DLG2: variants seen among roughly 807,000 people sequenced by gnomAD.
DLG2 encodes discs large MAGUK scaffold protein 2, also known as disks large homolog 2.
In DLG2, 45 loss-of-function variants were observed where a neutral mutation model predicts 132.5. That is an observed-to-expected ratio of 0.34 (90% CI 0.27 to 0.44). The LOEUF (loss-of-function observed/expected upper bound fraction) is 0.44, where lower values mean the gene tolerates loss of function less well. DLG2 is among the 20% of genes least tolerant of loss of function. The pLI is 1.00. For missense variants in DLG2, 1,045 were observed against 1,196.9 expected (o/e 0.87, Z 1.87); for synonymous variants, 424 against 419.6 (o/e 1.01, Z -0.13).
At chr11:84,679,804 T>C (rs547323621) in intron 6 of DLG2, among the ~76,000 whole-genome samples, 1 of 152,216 alleles carries the variant, frequency 6.6e-6, no homozygotes, top group East Asian at 1.9e-4. Flanking sequence ...AGAACCAGGA[T>C]TGGAATTCAG....
At chr11:85,513,048 G>A (rs1397636363) in intron 3 of DLG2, among the ~76,000 whole-genome samples, 1 of 151,944 alleles carries the variant, frequency 6.6e-6, no homozygotes, top group Admixed American at 6.6e-5. Flanking sequence ...GCACCAACGT[G>A]GATGCAGCTG....
Position 83,697,084 on chromosome 11 carries a change from G to A in DLG2, c.1826-63759C>T, listed in dbSNP as rs1445665334. On this transcript the variant is annotated intron_variant, in intron 18 of 27. Transcript: ENST00000376104. ...GTTCAACGTAAGAATAACAAGACAT[G>A]CTCTTTGCCCTCAAAGAAATGAGTC... 3.9e-5 allele frequency among the ~76,000 whole-genome samples: 6 copies of A among 152,142 alleles called. 1 individual carries two copies. The South Asian group carries it at 1.0e-3, about 26-fold the overall frequency.
At chr11:85,396,073 G>T (rs922020228) in intron 3 of DLG2, among the ~76,000 whole-genome samples, 1 of 152,134 alleles carries the variant, frequency 6.6e-6, no homozygotes, top group Non-Finnish European at 1.5e-5. Flanking sequence ...CCAGAAGAAG[G>T]ATGAGGCAGC....
intron 5 of DLG2, among the ~76,000 whole-genome samples, chr11:85,129,088 C>G (rs2075434697): frequency 6.6e-6 from 1 of 152,160 alleles, no homozygotes; most frequent in African/African-American, 2.4e-5. Context: ...CAGTATCCTG[C>G]TATTCACACT....
chr11:84,789,059 T>C (rs1337733197), intron 6 of DLG2, among the ~76,000 whole-genome samples: 2 of 152,178 alleles, frequency 1.3e-5, no homozygotes, highest in African/African-American at 2.4e-5. Flanking sequence ...AAGAGAGACA[T>C]GCAAAAGAAA....
chr11:83,689,941 T>C (rs920936504), intron 18 of DLG2, among the ~76,000 whole-genome samples: 6 of 141,340 alleles, frequency 4.2e-5, no homozygotes, highest in African/African-American at 1.6e-4. Context: ...ATATATAATA[T>C]ATATTATATA....
chr11:85,112,270 A>G (rs1274621001), intron 5 of DLG2, among the ~76,000 whole-genome samples: 2 of 152,034 alleles, frequency 1.3e-5, no homozygotes, highest in Non-Finnish European at 2.9e-5. Flanking sequence ...AAATAAAACA[A>G]TTTTCTCAAG....
In DLG2 at chr11:84,310,566, C is replaced by A. The variant is rs138164537; in HGVS notation, c.520-59275G>T. 6.4e-3 allele frequency among the ~76,000 whole-genome samples: 978 copies of A among 152,320 alleles called. 12 individuals are homozygous for A. The highest frequency in any genetic ancestry group is 0.023 in the African/African-American group (935 of 41,548). On this transcript the variant is annotated intron_variant, in intron 7 of 27. Coordinates refer to ENST00000376104, the MANE Select transcript of DLG2 (RefSeq NM_001142699.3). The stretch of plus-strand genomic sequence containing the variant: ...ATGTCAGCATCCAGCAATAAGAGTG[C>A]TAGGAGTGTTGACCAAACGGCTTCA...
At chr11:84,830,847 A>C (rs2078945507) in intron 6 of DLG2, among the ~76,000 whole-genome samples, 1 of 151,438 alleles carries the variant, frequency 6.6e-6, no homozygotes, top group South Asian at 2.1e-4. Flanking sequence ...CTCACTTTAA[A>C]AATTACCTCT....
At chr11:84,865,711 C>A (rs374931369) in intron 6 of DLG2, among the ~76,000 whole-genome samples, 3 of 152,186 alleles carry the variant, frequency 2.0e-5, no homozygotes, top group African/African-American at 4.8e-5. Context: ...AGAACAAAGC[C>A]CCGAAAACAA....
chr11:83,790,411 G>A, intron 17 of DLG2: 1 of 1,025,168 alleles, frequency 9.8e-7, no homozygotes, highest in African/African-American at 1.6e-5. Context: ...CCCAACATGT[G>A]ATTGGTCCCC....
chr11:84,322,440 T>C (rs1353145660), intron 7 of DLG2, among the ~76,000 whole-genome samples: 1 of 152,208 alleles, frequency 6.6e-6, no homozygotes, highest in African/African-American at 2.4e-5. Flanking sequence ...TCAAGCTTTT[T>C]CAAGAGTTCT....
chr11:83,748,269 T>C (rs2093057595), intron 18 of DLG2, among the ~76,000 whole-genome samples: 1 of 152,216 alleles, frequency 6.6e-6, no homozygotes, highest in Non-Finnish European at 1.5e-5. Flanking sequence ...GTTCTAACTA[T>C]CAACCACACC....
At chr11:85,039,622 T>C (rs1263978026) in intron 6 of DLG2, among the ~76,000 whole-genome samples, 2 of 151,904 alleles carry the variant, frequency 1.3e-5, no homozygotes, top group African/African-American at 4.8e-5. Context: ...AACAGTACTA[T>C]ATTAATGTTA....
At chr11:84,816,106 G>C (rs1444627860) in intron 6 of DLG2, among the ~76,000 whole-genome samples, 1 of 151,916 alleles carries the variant, frequency 6.6e-6, no homozygotes, top group East Asian at 1.9e-4. Flanking sequence ...TGGCACCAGG[G>C]GGTTGCTGGC....
chr11:83,781,088 G>A (rs1002683814), intron 18 of DLG2, among the ~76,000 whole-genome samples: 1 of 152,176 alleles, frequency 6.6e-6, no homozygotes, highest in Non-Finnish European at 1.5e-5. Flanking sequence ...TTGGTCTGTA[G>A]ACAACATTTA....
At chr11:83,586,309 T>C (rs529576861) in intron 19 of DLG2, among the ~76,000 whole-genome samples, 13 of 152,358 alleles carry the variant, frequency 8.5e-5, no homozygotes, top group South Asian at 4.1e-4. Flanking sequence ...TTGTGTTCTA[T>C]TAAAAACACA....
chr11:84,381,635 T>C (rs544398168), intron 7 of DLG2, among the ~76,000 whole-genome samples: 4 of 152,314 alleles, frequency 2.6e-5, no homozygotes, highest in South Asian at 2.1e-4. Flanking sequence ...ATGTAAAACA[T>C]CTAACTGAAT....
chr11:83,686,178 C>A (rs868448303), intron 18 of DLG2, among the ~76,000 whole-genome samples: 1 of 152,126 alleles, frequency 6.6e-6, no homozygotes, highest in Non-Finnish European at 1.5e-5. Context: ...GACACCAACA[C>A]TCCTTGCTCA....
Sources: gnomAD v4.1 joint callset for allele counts (sites outside exome capture counted in the v4.1 genomes callset) on GRCh38, gnomAD v4.1.1 for gene constraint, MANE v1.5 for transcripts, NCBI Gene and HGNC (gene_info 2026-07-23, HGNC 2026-07-21) for gene names.